LRP4: variants seen among roughly 807,000 people sequenced by gnomAD.
LRP4 encodes low-density lipoprotein receptor-related protein 4.
In LRP4, 95 loss-of-function variants were observed where a neutral mutation model predicts 220.3. The ratio of observed to expected loss-of-function variants is 0.43; its 90% CI spans 0.37 to 0.51. The LOEUF is 0.51. Ranked by LOEUF, LRP4 falls within the 20% of genes least tolerant of loss-of-function variation. The pLI, the probability that LRP4 is intolerant of heterozygous loss-of-function variation, is 0.00. For synonymous variants in LRP4, 903 were observed against 954.6 expected (o/e 0.95, Z 1.00); for missense variants, 1,925 against 2,567.0 (o/e 0.75, Z 5.40).
intron 1 of LRP4, 98 bp from the exon 2 acceptor site, chr11:46,903,027 C>A: frequency 6.9e-7 from 1 of 1,451,816 alleles, no homozygotes; most frequent in South Asian, 1.2e-5. Context: ...GGGGCACTGT[C>A]ACCTGGAGAG....
At position 46,899,805 on chromosome 11, in the gene LRP4, C is replaced by T; in HGVS notation, c.430+58G>A. On this transcript the variant is annotated intron_variant, in intron 4 of 37. Transcript: ENST00000378623. The surrounding 1 kb of genome is among the most constrained non-coding windows in gnomAD (Gnocchi z 5.9). Reference sequence around the variant, plus strand: ...CTAGGGCCATTGCTGCTATCTTCTCCCATGGCCAGGCCACCCACTGGCCAC... The same window carrying T: ...CTAGGGCCATTGCTGCTATCTTCTCTCATGGCCAGGCCACCCACTGGCCAC... 1 of 1,389,000 alleles carries T rather than the reference C, an allele frequency of 7.2e-7. No individual in the cohort carries two copies. The highest frequency in any genetic ancestry group is 1.0e-6 in the Non-Finnish European group (1 of 978,356). 86.0% of individuals were successfully genotyped at this position (1,389,000 alleles called of 1,614,324 possible). A position where few individuals can be genotyped will look rare whatever the true frequency, so the allele number is the denominator to read the frequency against.
chr11:46,861,051 C>G (rs746169205), intron 37 of LRP4: 19 of 636,814 alleles, frequency 3.0e-5, no homozygotes, highest in Admixed American at 6.3e-5. Context: ...TATCCTGTGG[C>G]CTTCATTGTG....
chr11:46,916,697 C>A (rs998774303), intron 1 of LRP4, among the ~76,000 whole-genome samples: 4 of 151,980 alleles, frequency 2.6e-5, no homozygotes, highest in African/African-American at 9.7e-5. Context: ...CCGTTTTAAC[C>A]CTAATTTTTT....
intron 7 of LRP4, among the ~76,000 whole-genome samples, chr11:46,898,043 G>A (rs1941579998): frequency 7.1e-6 from 1 of 140,562 alleles, no homozygotes; most frequent in African/African-American, 2.7e-5. Context: ...CGGCTGGCCG[G>A]GCGGGGGGCT....
At chr11:46,862,187 G>T (rs1310793620) in intron 37 of LRP4, among the ~76,000 whole-genome samples, 2 of 152,036 alleles carry the variant, frequency 1.3e-5, no homozygotes, top group African/African-American at 2.4e-5. Context: ...GGTGCTACTA[G>T]CTTGGACTGG....
chr11:46,918,003 TAAC>T lies in LRP4; in HGVS notation c.52+322_52+324del, dbSNP rs1941975858. 6.6e-6 allele frequency among the ~76,000 whole-genome samples: 1 copy of T among 152,120 alleles called. No homozygotes were observed. Among genetic ancestry groups the T allele is most frequent in the Non-Finnish European group, 1.5e-5 (1 of 68,010 alleles). The stretch of plus-strand genomic sequence containing the variant: ...CACCAAGGACACAGAGCCCCCGACC[TAAC>T]CTGAAAGGGAAGCAGCCCCCGCTCT... On this transcript the variant is annotated intron_variant, in intron 1 of 37. Coordinates refer to ENST00000378623, the MANE Select transcript of LRP4 (RefSeq NM_002334.4). The surrounding 1 kb of genome is among the most constrained non-coding windows in gnomAD (Gnocchi z 6.0).
chr11:46,878,918 G>C lies in LRP4; in HGVS notation c.3125C>G (p.Thr1042Ser). Residue 1042 changes from threonine (T) to serine (S), a missense_variant, in exon 22 of 38, where the codon ACC becomes AGC. Around this residue, in one of 3 missense-constraint regions of LRP4, gnomAD observed 1,244 missense variants for 1,624.9 expected, o/e 0.77. Transcript: ENST00000378623. Reference sequence around the variant, plus strand: ...ATGCTTTCACTCACCTGGTGAGCAGGTCTTGCCATCAGACAGCAGGTTGAT... The same window carrying C: ...ATGCTTTCACTCACCTGGTGAGCAGCTCTTGCCATCAGACAGCAGGTTGAT... ...TGINLLSDGK[T>S]CSPGMNSFLI... 6.2e-7 allele frequency: 1 copy of C among 1,614,204 alleles called. No individual in the cohort carries two copies.
chr11:46,869,113 C>T lies in LRP4; in HGVS notation c.4712G>A (p.Trp1571Ter). ...ALTQQDRWIY[W>*]TDWQTKSIQR... ...GATTGACTTGGTCTGCCAGTCTGTC[C>T]AGTAGATCCACCTGTCTTGCTACTC... Residue 1571 changes from tryptophan (W) to a stop codon, truncating the protein, a stop_gained, in exon 32 of 38, where the codon TGG (tryptophan) becomes TAG (stop). Coordinates refer to ENST00000378623, the MANE Select transcript of LRP4 (RefSeq NM_002334.4). LOFTEE classifies it high-confidence loss of function. 1 of 1,614,132 alleles carries T rather than the reference C, an allele frequency of 6.2e-7. No homozygotes were observed. Among genetic ancestry groups the T allele is most frequent in the Non-Finnish European group, 8.5e-7 (1 of 1,180,024 alleles).
Position 46,867,983 on chromosome 11 carries a change from C to T in LRP4, c.5083G>A (p.Gly1695Arg). 1.2e-6 allele frequency: 2 copies of T among 1,614,146 alleles called. No individual in the cohort carries two copies. The highest frequency in any genetic ancestry group is 1.7e-6 in the Non-Finnish European group (2 of 1,180,014). The part of the protein sequence containing the change: ...RTRTSLEEVE[G>R]RCSERDARLG... ...TCCTGCATTGAACCTATTTACCTTC[C>T]TTCCACCTCCTCCAGAGACGTGCGG... is the stretch of plus-strand genomic sequence containing the variant. The change falls in exon 34 of 38, where the codon GGA (glycine) becomes AGA (arginine). Residue 1695 changes from glycine (G) to arginine (R), a missense_variant. Physicochemically the swap from Gly to Arg is moderately radical, Grantham distance 125. Around this residue, in one of 3 missense-constraint regions of LRP4, gnomAD observed 1,244 missense variants for 1,624.9 expected, o/e 0.77. Transcript: ENST00000378623.
At position 46,878,942 on chromosome 11, in the gene LRP4, A is replaced by G. The variant is rs1194108607; in HGVS notation, c.3101T>C (p.Ile1034Thr). ...GGTCTTGCCATCAGACAGCAGGTTGATGCCTGTGGGGCAGGTACAGCTGAA... is the reference window on the plus strand; with the variant it reads ...GGTCTTGCCATCAGACAGCAGGTTGGTGCCTGTGGGGCAGGTACAGCTGAA... ...SGFSCTCPTG[I>T]NLLSDGKTCS... The change falls in exon 22 of 38, where the codon ATC becomes ACC. Residue 1034 changes from isoleucine to threonine, a missense_variant. This residue lies in a region of LRP4 where 1,244 missense variants were observed against 1,624.9 expected (regional missense o/e 0.77). Coordinates refer to ENST00000378623, the MANE Select transcript of LRP4 (RefSeq NM_002334.4). The G allele has an allele frequency of 1.9e-6, 3 of 1,614,218 alleles. 1 individual carries two copies. In the South Asian group the frequency reaches 3.3e-5, roughly 18 times the overall value.
chr11:46,862,922 T>C, intron 36 of LRP4, 175 bp from the exon 37 acceptor site: 1 of 644,794 alleles, frequency 1.6e-6, no homozygotes, highest in Middle Eastern at 3.0e-4. Context: ...TCTGGTGACT[T>C]ACTTCTAATG....
In LRP4 at chr11:46,898,686, A is replaced by C. The variant is rs2134861570; in HGVS notation, c.677-9T>G. 6.2e-7 allele frequency: 1 copy of C among 1,613,862 alleles called. No homozygotes were observed. The highest frequency in any genetic ancestry group is 2.2e-5 in the East Asian group (1 of 44,880). ...GCAGGGCTGGTGGGAGGCTAGGGAAACACAAGACTTCTGTCTCTAGCCAGT... is the reference window on the plus strand; with the variant it reads ...GCAGGGCTGGTGGGAGGCTAGGGAACCACAAGACTTCTGTCTCTAGCCAGT... On this transcript the variant is annotated splice_polypyrimidine_tract_variant and intron_variant, in intron 6 of 37. Transcript: ENST00000378623.
chr11:46,905,438 T>G (rs1941744199), intron 1 of LRP4, among the ~76,000 whole-genome samples: 1 of 152,222 alleles, frequency 6.6e-6, no homozygotes, highest in African/African-American at 2.4e-5. Context: ...GGATCTCAAC[T>G]GGGGATATTT....
At chr11:46,860,497 C>T (rs980467751) in intron 37 of LRP4, among the ~76,000 whole-genome samples, 9 of 152,058 alleles carry the variant, frequency 5.9e-5, no homozygotes, top group African/African-American at 2.2e-4. Flanking sequence ...GTATACCAAC[C>T]GACATACCAC....
In LRP4 at chr11:46,898,660, G is replaced by T. The variant is rs770467186; in HGVS notation, c.694C>A (p.Arg232Ser). ...ESDCSSHQPC[R>S]SGEFMCDSGL... ...CTGTCACACATGAACTCCCCAGAGC[G>T]GCAGGGCTGGTGGGAGGCTAGGGAA... is the stretch of plus-strand genomic sequence containing the variant. Residue 232 changes from arginine (R) to serine (S), a missense_variant, in exon 7 of 38, where the codon CGC (arginine) becomes AGC (serine). Physicochemically the swap from Arg to Ser is moderately radical, Grantham distance 110. This residue lies in a region of LRP4 where 412 missense variants were observed against 505.4 expected (regional missense o/e 0.82). Transcript: ENST00000378623. The T allele has an allele frequency of 5.0e-6, 8 of 1,614,006 alleles. No individual in the cohort carries two copies. The highest frequency in any genetic ancestry group is 3.3e-5 in the Admixed American group (2 of 60,000).
intron 12 of LRP4, among the ~76,000 whole-genome samples, chr11:46,893,641 G>A (rs12294921): frequency 0.13 from 20,293 of 152,116 alleles, 1,888 homozygotes; most frequent in African/African-American, 0.27. Context: ...CTCCCATTGC[G>A]CAGGCTGGAG....
At position 46,886,329 on chromosome 11, in the gene LRP4, T is replaced by G. The variant is rs1941292006; in HGVS notation, c.2420A>C (p.Gln807Pro). 1 of 1,585,340 alleles carries G rather than the reference T, an allele frequency of 6.3e-7. No individual in the cohort carries two copies. Among genetic ancestry groups the G allele is most frequent in the South Asian group, 1.1e-5 (1 of 88,250 alleles). ...CCTCCCCACGCTGGGCCCTACCTCC[T>G]GTCCTGTTCCATCCCACTTGGCCCT... ...ISRAKWDGTG[Q>P]EVVVDTSLES... is the part of the protein sequence containing the mutation. The change falls in exon 17 of 38, where the codon CAG becomes CCG. Residue 807 changes from glutamine to proline, a missense_variant. Transcript: ENST00000378623.
intron 32 of LRP4, 95 bp downstream of exon 32, chr11:46,868,893 T>C (rs944030952): frequency 1.3e-6 from 2 of 1,541,056 alleles, no homozygotes; most frequent in East Asian, 2.2e-5. Flanking sequence ...AGAAGCTCTC[T>C]TGTGGCCCTA....
chr11:46,904,975 CAAAAAAAAAAAAAAA>C (rs10589238), intron 1 of LRP4, among the ~76,000 whole-genome samples: 5 of 44,278 alleles, frequency 1.1e-4, no homozygotes, highest in African/African-American at 4.4e-4. Context: ...GACCTTGTCT[CAAAAAAAAAAAAAAA>C]AAAAAAAAAA....
Sources: gnomAD v4.1 joint callset for allele counts (sites outside exome capture counted in the v4.1 genomes callset) on GRCh38, gnomAD v4.1.1 for gene constraint, gnomAD v4.1.1 regional missense constraint, Gnocchi (gnomAD v3.1) non-coding constraint, MANE v1.5 for transcripts, NCBI Gene and HGNC (gene_info 2026-07-23, HGNC 2026-07-21) for gene names.